Variants in POR observed in about 807,000 individuals in gnomAD.
POR encodes cytochrome p450 oxidoreductase, also known as NADPH--cytochrome P450 reductase.
Under a neutral mutation model 84.0 loss-of-function variants are expected in POR, and 56 were observed. That is an observed-to-expected ratio of 0.67 (90% CI 0.54 to 0.83). POR has a LOEUF of 0.83. Ranked by LOEUF, POR falls within the 40% of genes least tolerant of loss-of-function variation. POR has a pLI of 0.00. For synonymous variants in POR, 414 were observed against 400.5 expected, an observed-to-expected ratio of 1.03 and a Z score of -0.40; for missense variants, 938 against 944.3, an observed-to-expected ratio of 0.99 and a Z score of 0.09.
intron 4 of POR, 22 bp downstream of exon 4, chr7:75,979,601 G>T (rs528618467): frequency 6.2e-7 from 1 of 1,611,482 alleles, no homozygotes; most frequent in East Asian, 2.2e-5. Flanking sequence ...CCGCGTGCTG[G>T]CCCCAGATGG....
At chr7:75,967,918 G>T (rs1290063767) in intron 2 of POR, 3 of 394,138 alleles carry the variant, frequency 7.6e-6, no homozygotes, top group East Asian at 7.3e-5. Context: ...GGACTTTGGG[G>T]TGTCCAGGAG....
At chr7:75,985,035 C>G in intron 11 of POR, 23 bp from the exon 12 acceptor site, 2 of 1,587,574 alleles carry the variant, frequency 1.3e-6, no homozygotes, top group Non-Finnish European at 1.7e-6. Flanking sequence ...CAATCAGCCC[C>G]ATCTCACCCC....
chr7:75,942,441 G>A (rs782726237), intron 1 of POR, among the ~76,000 whole-genome samples: 7 of 152,100 alleles, frequency 4.6e-5, no homozygotes, highest in Non-Finnish European at 1.0e-4. Context: ...TTAATCATTG[G>A]AAGACAGCAT....
intron 1 of POR, among the ~76,000 whole-genome samples, chr7:75,941,625 T>TA (rs1162631079): frequency 4.3e-4 from 65 of 152,172 alleles, no homozygotes; most frequent in African/African-American, 1.5e-3. Flanking sequence ...TGCCAAGAAG[T>TA]AAAATCTAGG....
intron 1 of POR, among the ~76,000 whole-genome samples, chr7:75,938,460 C>G (rs952237503): frequency 3.3e-5 from 5 of 152,168 alleles, no homozygotes; most frequent in Non-Finnish European, 7.3e-5. Context: ...CTGGGTGTCT[C>G]TTAAAAGTTT....
intron 1 of POR, among the ~76,000 whole-genome samples, chr7:75,944,481 T>C (rs1554551907): frequency 6.6e-6 from 1 of 152,134 alleles, no homozygotes; most frequent in African/African-American, 2.4e-5. Context: ...TGCAGTGCAC[T>C]GAGATCACAC....
intron 2 of POR, among the ~76,000 whole-genome samples, chr7:75,957,283 G>A (rs1236006711): frequency 6.6e-6 from 1 of 152,184 alleles, no homozygotes; most frequent in Non-Finnish European, 1.5e-5. Flanking sequence ...GCCACACCCT[G>A]AAGCTGAAAG....
At chr7:75,973,153 C>G (rs1788516542) in intron 3 of POR, among the ~76,000 whole-genome samples, 1 of 152,072 alleles carries the variant, frequency 6.6e-6, no homozygotes, top group African/African-American at 2.4e-5. Context: ...GGCATCAGTA[C>G]TACATTTACA....
At chr7:75,923,805 T>G (rs1379358952) in intron 1 of POR, among the ~76,000 whole-genome samples, 1 of 151,920 alleles carries the variant, frequency 6.6e-6, no homozygotes, top group Non-Finnish European at 1.5e-5. Flanking sequence ...GGAGAATCGC[T>G]TGAACCCGGG....
At chr7:75,984,667 G>A in intron 10 of POR, 110 bp from the exon 11 acceptor site, 2 of 945,930 alleles carry the variant, frequency 2.1e-6, no homozygotes, top group Non-Finnish European at 3.4e-6. Flanking sequence ...GCACCAGCTG[G>A]GGCACCTGTT....
chr7:75,983,238 G>A (rs1789166645), intron 8 of POR: 2 of 348,584 alleles, frequency 5.7e-6, no homozygotes, highest in South Asian at 4.9e-5. Context: ...CTGCTCAGGA[G>A]GCTGAGGCAG....
At chr7:75,956,293 AAAAAC>A (rs1205625387) in intron 2 of POR, among the ~76,000 whole-genome samples, 17 of 152,262 alleles carry the variant, frequency 1.1e-4, no homozygotes, top group South Asian at 2.1e-4. Flanking sequence ...AGTCCGTCTC[AAAAAC>A]AAAACAAAAC....
At chr7:75,959,720 T>C (rs557863272) in intron 2 of POR, among the ~76,000 whole-genome samples, 2 of 152,240 alleles carry the variant, frequency 1.3e-5, no homozygotes, top group Admixed American at 6.5e-5. Flanking sequence ...CGTCCCAAAA[T>C]ACTGGGATTA....
rs1789348822 is a variant in POR at position 75,985,170 on chromosome 7, T to C, written c.1361T>C (p.Leu454Pro). Residue 454 changes from leucine to proline, a missense_variant, in exon 12 of 16, where the codon CTG (leucine) becomes CCG (proline). Coordinates refer to ENST00000461988, the MANE Select transcript of POR (RefSeq NM_000941.3). ...CACCTGTGTGAGCTGCTGCCGCGCC[T>C]GCAGGCCCGCTACTACTCCATCGCC... The C allele has an allele frequency of 6.3e-7, 1 of 1,598,634 alleles. No individual in the cohort carries two copies. Among genetic ancestry groups the C allele is most frequent in the South Asian group, 1.1e-5 (1 of 90,994 alleles).
rs1554558885 is a variant in POR at position 75,985,079 on chromosome 7, G to A, written c.1270G>A (p.Val424Met). The stretch of plus-strand genomic sequence containing the variant: ...TTAGGAGCTGTACCTGAGCTGGGTG[G>A]TGGAGGCCCGGAGGCACATCCTGGC... The change falls in exon 12 of 16, where the codon GTG (valine) becomes ATG (methionine). Residue 424 changes from valine to methionine, a missense_variant. Transcript: ENST00000461988. 1 of 1,599,020 alleles carries A rather than the reference G, an allele frequency of 6.3e-7. No individual in the cohort carries two copies. Among genetic ancestry groups the A allele is most frequent in the African/African-American group, 1.3e-5 (1 of 74,894 alleles).
chr7:75,983,462 G>A, intron 8 of POR, 58 bp from the exon 9 acceptor site: 4 of 1,258,058 alleles, frequency 3.2e-6, no homozygotes, highest in Non-Finnish European at 4.6e-6. Context: ...CGTCCTTGGA[G>A]ACGGAGACTC....
chr7:75,939,924 T>C (rs1416093247), intron 1 of POR, among the ~76,000 whole-genome samples: 1 of 151,394 alleles, frequency 6.6e-6, no homozygotes, highest in Admixed American at 6.6e-5. Context: ...ACTCTTATTA[T>C]ATAGTGATGG....
intron 8 of POR, chr7:75,983,170 G>A (rs566737946): frequency 3.3e-4 from 73 of 220,360 alleles, no homozygotes; most frequent in African/African-American, 1.3e-3. Context: ...GTGAAACCCC[G>A]TCTCTAGTAA....
chr7:75,954,753 T>G lies in POR; in HGVS notation c.188+573T>G, dbSNP rs557485106. ...AGCAGAATCTTGTTCTTTCAACCAG[T>G]CTGGAGTACAGCGGTGCGATCTCGG... is the stretch of plus-strand genomic sequence containing the variant. On this transcript the variant is annotated intron_variant, in intron 2 of 15. Transcript: ENST00000461988. 3.4e-4 allele frequency among the ~76,000 whole-genome samples: 51 copies of G among 150,048 alleles called. 1 individual carries two copies. Among genetic ancestry groups the G allele is most frequent in the East Asian group, 2.0e-4 (1 of 5,110 alleles).
Sources: allele counts gnomAD v4.1 joint callset (sites outside exome capture counted in the v4.1 genomes callset), GRCh38; gene constraint gnomAD v4.1.1; transcripts MANE v1.5; gene names NCBI Gene and HGNC (gene_info 2026-07-23, HGNC 2026-07-21).